Variants in CNTN5 observed in about 807,000 individuals in gnomAD.
CNTN5 encodes contactin-5.
Under a neutral mutation model 129.1 loss-of-function variants are expected in CNTN5, and 77 were observed. That is an observed-to-expected ratio of 0.60 (90% confidence interval 0.50 to 0.72). CNTN5 has a LOEUF of 0.72. Among genes scored for constraint, CNTN5 ranks in the 30% least tolerant of loss-of-function variants. CNTN5 has a pLI of 0.00. For missense variants in CNTN5, 1,478 were observed against 1,328.8 expected, an observed-to-expected ratio of 1.11 and a Z score of -1.75; for synonymous variants, 509 against 465.6, an observed-to-expected ratio of 1.09 and a Z score of -1.20.
At chr11:99,674,584 C>T (rs1157700602) in intron 3 of CNTN5, among the ~76,000 whole-genome samples, 1 of 152,176 alleles carries the variant, frequency 6.6e-6, no homozygotes, top group Non-Finnish European at 1.5e-5. Flanking sequence ...TTTGTGAAAG[C>T]TGCAAATACC....
chr11:99,504,865 A>T (rs1946559719), intron 2 of CNTN5, among the ~76,000 whole-genome samples: 1 of 152,188 alleles, frequency 6.6e-6, no homozygotes, highest in African/African-American at 2.4e-5. Flanking sequence ...ACAGACCACA[A>T]CTTCTTGAGT....
chr11:99,051,876 G>A (rs894915946), intron 1 of CNTN5, among the ~76,000 whole-genome samples: 2 of 151,832 alleles, frequency 1.3e-5, no homozygotes, highest in African/African-American at 2.4e-5. Flanking sequence ...GATAGAAGTA[G>A]TCCCACAATA....
Position 99,422,510 on chromosome 11 carries a change from TTATATTTTTATATATATA to T in CNTN5, c.-71+97032_-71+97049del, listed in dbSNP as rs1162280346. Among the ~76,000 whole-genome samples, 27 of 61,184 alleles carry T rather than the reference TTATATTTTTATATATATA, an allele frequency of 4.4e-4. 1 individual carries two copies. Among genetic ancestry groups the T allele is most frequent in the Admixed American group, 1.6e-3 (8 of 4,960 alleles). 40.1% of individuals were successfully genotyped at this position (61,184 alleles called of 152,430 possible). A position where few individuals can be genotyped will look rare whatever the true frequency, so the allele number is the denominator to read the frequency against. ...AAAAACAAAAGCGATTCATGTTACT[TTATATTTTTATATATATA>T]TATATATATATATATATATATATAT... On this transcript the variant is annotated intron_variant, in intron 2 of 24. Transcript: ENST00000524871.
At chr11:100,070,263 A>G (rs1943866439) in intron 10 of CNTN5, 161 bp from the exon 11 acceptor site, 1 of 574,672 alleles carries the variant, frequency 1.7e-6, no homozygotes, top group Non-Finnish European at 2.8e-6. Context: ...GGTACAGGAA[A>G]TAGAATTTTG....
chr11:99,665,193 G>A (rs611391), intron 3 of CNTN5, among the ~76,000 whole-genome samples: 27,397 of 152,176 alleles, frequency 0.18, 3,123 homozygotes, highest in Middle Eastern at 0.31. Context: ...CACAGCAGCA[G>A]ATGCTAATTT....
chr11:99,097,991 A>T (rs138984986), intron 1 of CNTN5, among the ~76,000 whole-genome samples: 1 of 152,170 alleles, frequency 6.6e-6, no homozygotes, highest in East Asian at 1.9e-4. Flanking sequence ...GAGCGAAAAA[A>T]AACTAAATTT....
intron 3 of CNTN5, among the ~76,000 whole-genome samples, chr11:99,788,423 A>C (rs1347996680): frequency 1.3e-5 from 2 of 151,918 alleles, no homozygotes; most frequent in Non-Finnish European, 2.9e-5. Context: ...TCGGTATATA[A>C]ATTTTTGTAT....
intron 2 of CNTN5, among the ~76,000 whole-genome samples, chr11:99,501,524 C>G (rs1946426901): frequency 1.3e-5 from 2 of 152,222 alleles, no homozygotes; most frequent in South Asian, 4.1e-4. Context: ...GCCACTTTCT[C>G]CTGGCATCAG....
chr11:100,143,979 T>C (rs776191846), intron 13 of CNTN5, among the ~76,000 whole-genome samples: 3 of 152,184 alleles, frequency 2.0e-5, no homozygotes, highest in Non-Finnish European at 4.4e-5. Context: ...TTTTCTCGCA[T>C]TAAGGAAAAT....
chr11:99,848,617 C>G (rs1947777357), intron 6 of CNTN5, among the ~76,000 whole-genome samples: 1 of 152,098 alleles, frequency 6.6e-6, no homozygotes, highest in South Asian at 2.1e-4. Context: ...AAACTTTTCA[C>G]TGATACAGTA....
At chr11:100,008,551 C>T (rs1351657710) in intron 9 of CNTN5, among the ~76,000 whole-genome samples, 2 of 152,056 alleles carry the variant, frequency 1.3e-5, no homozygotes, top group Admixed American at 6.6e-5. Context: ...TCCAGGATTT[C>T]CATAGTCTCT....
At chr11:99,870,384 A>G (rs973229697) in intron 6 of CNTN5, among the ~76,000 whole-genome samples, 20 of 152,142 alleles carry the variant, frequency 1.3e-4, no homozygotes, top group Admixed American at 1.2e-3. Context: ...TATATTTGAC[A>G]ATAATATAAT....
intron 6 of CNTN5, among the ~76,000 whole-genome samples, chr11:99,886,280 C>A (rs1203589882): frequency 6.6e-6 from 1 of 151,856 alleles, no homozygotes; most frequent in Non-Finnish European, 1.5e-5. Context: ...GGAAAAAGAT[C>A]TGGACATATA....
At chr11:99,516,884 G>T (rs1202380649) in intron 2 of CNTN5, among the ~76,000 whole-genome samples, 2 of 152,040 alleles carry the variant, frequency 1.3e-5, no homozygotes, top group East Asian at 1.9e-4. Context: ...TTTTGTAAGG[G>T]ATTTGTTTTA....
At chr11:99,501,601 CAA>C (rs1191138841) in intron 2 of CNTN5, among the ~76,000 whole-genome samples, 1 of 151,788 alleles carries the variant, frequency 6.6e-6, no homozygotes, top group Non-Finnish European at 1.5e-5. Context: ...ATTCTTAGGA[CAA>C]AAAAAGTTTT....
chr11:99,801,381 C>A (rs1377557033), intron 3 of CNTN5, among the ~76,000 whole-genome samples: 1 of 152,070 alleles, frequency 6.6e-6, no homozygotes, highest in Admixed American at 6.6e-5. Context: ...TTAGCATTGA[C>A]TTTGGACAGT....
At chr11:100,305,947 TAAA>T (rs60794756) in intron 20 of CNTN5, among the ~76,000 whole-genome samples, 4 of 121,154 alleles carry the variant, frequency 3.3e-5, no homozygotes, top group Admixed American at 8.9e-5. Flanking sequence ...GCTGATTAGC[TAAA>T]AAAAAAAAAA....
At chr11:99,730,162 A>G (rs1370509550) in intron 3 of CNTN5, among the ~76,000 whole-genome samples, 1 of 152,194 alleles carries the variant, frequency 6.6e-6, no homozygotes, top group Non-Finnish European at 1.5e-5. Flanking sequence ...ATTGTGAATA[A>G]CTATTAATTA....
intron 9 of CNTN5, among the ~76,000 whole-genome samples, chr11:100,013,387 T>C (rs184804543): frequency 6.6e-6 from 1 of 152,274 alleles, no homozygotes; most frequent in Non-Finnish European, 1.5e-5. Flanking sequence ...CTAACTTTAT[T>C]GTATCCCATA....
Sources: allele counts gnomAD v4.1 joint callset (sites outside exome capture counted in the v4.1 genomes callset), GRCh38; gene constraint gnomAD v4.1.1; transcripts MANE v1.5; gene names NCBI Gene and HGNC (gene_info 2026-07-23, HGNC 2026-07-21).